TTLL6: variants seen among roughly 807,000 people sequenced by gnomAD.
The protein encoded by TTLL6 is tubulin polyglutamylase TTLL6.
In TTLL6, 75 loss-of-function variants were observed where a neutral mutation model predicts 96.4. The ratio of observed to expected loss-of-function variants is 0.78; its 90% CI spans 0.65 to 0.94. The LOEUF (loss-of-function observed/expected upper bound fraction) is 0.94, where lower values mean the gene tolerates loss of function less well. Among genes scored for constraint, TTLL6 ranks in the 40% least tolerant of loss-of-function variants. TTLL6 has a pLI of 0.00. For synonymous variants in TTLL6, 411 were observed against 419.4 expected (o/e 0.98, Z 0.24); for missense variants, 1,030 against 1,093.0 (o/e 0.94, Z 0.81).
chr17:48,774,106 A>C (rs958137951), intron 13 of TTLL6, among the ~76,000 whole-genome samples: 2 of 137,476 alleles, frequency 1.5e-5, no homozygotes, highest in Admixed American at 1.6e-4. Context: ...CAAAAAAAAA[A>C]AAAAAACAAG....
chr17:48,802,628 T>A (rs1471937238), intron 3 of TTLL6, among the ~76,000 whole-genome samples: 1 of 152,218 alleles, frequency 6.6e-6, no homozygotes, highest in African/African-American at 2.4e-5. Context: ...CCCAGCACTT[T>A]GGGATGCCAA....
chr17:48,775,964 A>C (rs765892615), intron 13 of TTLL6, among the ~76,000 whole-genome samples: 8 of 152,190 alleles, frequency 5.3e-5, no homozygotes, highest in Non-Finnish European at 1.0e-4. Flanking sequence ...AAAAGATTGA[A>C]TGTTTCCCCG....
chr17:48,767,448 C>T (rs907917754), intron 15 of TTLL6, among the ~76,000 whole-genome samples: 6 of 150,856 alleles, frequency 4.0e-5, no homozygotes, highest in Non-Finnish European at 5.9e-5. Flanking sequence ...GGCTCTCCAC[C>T]CAGGACCACT....
chr17:48,796,996 T>C, intron 7 of TTLL6, 65 bp downstream of exon 7: 1 of 1,451,208 alleles, frequency 6.9e-7, no homozygotes, highest in Non-Finnish European at 9.2e-7. Flanking sequence ...TGGATTTAAC[T>C]AGAATTTTTT....
rs1204825262 is a variant in TTLL6 at position 48,797,230 on chromosome 17, C to T, written c.769-26G>A. On this transcript the variant is annotated intron_variant, in intron 6 of 15. Coordinates refer to ENST00000393382, the MANE Select transcript of TTLL6 (RefSeq NM_001130918.3). Reference sequence around the variant, plus strand: ...CTGGAAGGAGAGAACAGAAGTCAGACATGCATTAGAGGAGAAATTTACACT... The same window carrying T: ...CTGGAAGGAGAGAACAGAAGTCAGATATGCATTAGAGGAGAAATTTACACT... 2.0e-6 allele frequency: 3 copies of T among 1,536,602 alleles called. No homozygotes were observed. In the South Asian group the frequency reaches 3.6e-5, roughly 19 times the overall value.
rs148198060 is a variant in TTLL6, at chr17:48,785,192, G to A, written c.1771C>T (p.Pro591Ser). The change falls in exon 13 of 16, where the codon CCA becomes TCA. Residue 591 changes from proline to serine, a missense_variant. Transcript: ENST00000393382. ...GGTGTGTAGGATACTAATGTCAATG[G>A]CTGGATGTACTGAGGGAGGAAGAAA... ...ATQASKQYIQ[P>S]LTLVSYTPDL... 4.1e-5 allele frequency: 66 copies of A among 1,614,118 alleles called. No homozygotes were observed. In the African/African-American group the frequency reaches 7.7e-4, roughly 19 times the overall value.
At chr17:48,794,702 C>G (rs888365233) in intron 8 of TTLL6, among the ~76,000 whole-genome samples, 3 of 152,202 alleles carry the variant, frequency 2.0e-5, no homozygotes, top group Non-Finnish European at 4.4e-5. Flanking sequence ...CTTTAAGCAG[C>G]CTTAACTTAG....
intron 8 of TTLL6, 110 bp from the exon 9 acceptor site, chr17:48,791,713 C>G: frequency 2.3e-6 from 2 of 874,396 alleles, no homozygotes; most frequent in Non-Finnish European, 3.5e-6. Context: ...CCAGAGCCAG[C>G]GAGGATGAAC....
At position 48,801,661 on chromosome 17, in the gene TTLL6, G is replaced by A; in HGVS notation, c.362-18C>T. ...CCTGCGCACTATTGAAGAAAGAAAG[G>A]CCTATTAGCCCAGGAAGTGGGGGAG... On this transcript the variant is annotated intron_variant, in intron 3 of 15. Coordinates refer to ENST00000393382, the MANE Select transcript of TTLL6 (RefSeq NM_001130918.3). 6.5e-7 allele frequency: 1 copy of A among 1,540,914 alleles called. No individual in the cohort carries two copies. The highest frequency in any genetic ancestry group is 8.8e-7 in the Non-Finnish European group (1 of 1,137,548).
intron 13 of TTLL6, among the ~76,000 whole-genome samples, chr17:48,775,593 G>A (rs997927085): frequency 2.0e-5 from 3 of 151,536 alleles, no homozygotes; most frequent in Non-Finnish European, 2.9e-5. Flanking sequence ...CCAGGCTGGA[G>A]TGCAATGGCA....
At chr17:48,789,336 C>T (rs112324140) in intron 10 of TTLL6, among the ~76,000 whole-genome samples, 24 of 152,242 alleles carry the variant, frequency 1.6e-4, no homozygotes, top group African/African-American at 5.5e-4. Context: ...TAAAATGACC[C>T]CCTCCAACTC....
intron 8 of TTLL6, among the ~76,000 whole-genome samples, chr17:48,795,475 C>T (rs997113844): frequency 7.9e-5 from 12 of 152,188 alleles, no homozygotes; most frequent in Non-Finnish European, 1.6e-4. Context: ...TCACATTCTT[C>T]AGTCCCCCGT....
At chr17:48,764,864 G>A (rs1209110426) in intron 15 of TTLL6, among the ~76,000 whole-genome samples, 1 of 152,124 alleles carries the variant, frequency 6.6e-6, no homozygotes, top group African/African-American at 2.4e-5. Context: ...CGGTATTCTA[G>A]GAGGCTCTGC....
chr17:48,806,130 C>T (rs1050168102), intron 1 of TTLL6: 1 of 149,222 alleles, frequency 6.7e-6, no homozygotes, highest in African/African-American at 2.5e-5. Flanking sequence ...AAAAATTAGC[C>T]ATATGTGGTG....
At chr17:48,776,248 C>T (rs187602631) in intron 13 of TTLL6, among the ~76,000 whole-genome samples, 16 of 152,154 alleles carry the variant, frequency 1.1e-4, no homozygotes, top group Non-Finnish European at 2.1e-4. Flanking sequence ...GGGCGGATCA[C>T]GAGGTCAGGA....
intron 13 of TTLL6, among the ~76,000 whole-genome samples, chr17:48,782,383 G>C (rs1049290357): frequency 6.6e-6 from 1 of 152,196 alleles, no homozygotes; most frequent in African/African-American, 2.4e-5. Flanking sequence ...TTGAACTCCT[G>C]ACCTCAGGTG....
At chr17:48,798,552 G>A (rs1210978314) in intron 6 of TTLL6, among the ~76,000 whole-genome samples, 1 of 152,070 alleles carries the variant, frequency 6.6e-6, no homozygotes, top group Admixed American at 6.5e-5. Context: ...GAGCAACAGA[G>A]TGAGGCTCTG....
rs1483002627 is a variant in TTLL6 at position 48,769,905 on chromosome 17, G to T, written c.2233C>A (p.Leu745Met). Residue 745 changes from leucine (L) to methionine (M), a missense_variant, in exon 14 of 16, where the codon CTG becomes ATG. By Grantham distance (15) the Leu-to-Met change is conservative (BLOSUM62 2). Coordinates refer to ENST00000393382, the MANE Select transcript of TTLL6 (RefSeq NM_001130918.3). ...LTQKKMLKSF[L>M]PTKSKSFWES... The stretch of plus-strand genomic sequence containing the variant: ...CAGAAGCTCTTGGATTTTGTGGGCA[G>T]AAAAGATTTTAACATTTTCTTCTGG... 6.2e-7 allele frequency: 1 copy of T among 1,614,186 alleles called. No homozygotes were observed. The highest frequency in any genetic ancestry group is 2.2e-5 in the East Asian group (1 of 44,882).
intron 10 of TTLL6, among the ~76,000 whole-genome samples, chr17:48,789,294 A>G (rs555494639): frequency 3.3e-5 from 5 of 152,300 alleles, no homozygotes; most frequent in Admixed American, 3.3e-4. Flanking sequence ...CTGCCAATAT[A>G]AACTCATTTT....
Sources: allele counts gnomAD v4.1 joint callset (sites outside exome capture counted in the v4.1 genomes callset), GRCh38; gene constraint gnomAD v4.1.1; transcripts MANE v1.5; gene names NCBI Gene and HGNC (gene_info 2026-07-23, HGNC 2026-07-21).